Variants in NRXN3 observed in about 807,000 individuals in gnomAD.
NRXN3 encodes the protein neurexin III.
NRXN3 carries 32 observed loss-of-function variants against 137.6 expected under a neutral mutation model. The observed-to-expected ratio is 0.23, with a 90% CI of 0.18 to 0.31. NRXN3 has a LOEUF of 0.31. NRXN3 is among the 10% of genes least tolerant of loss of function. NRXN3 has a pLI of 1.00. For synonymous variants in NRXN3, 798 were observed against 784.5 expected (o/e 1.02, Z -0.29); for missense variants, 1,574 against 2,062.5 (o/e 0.76, Z 4.59).
chr14:79,449,693 A>G (rs1016222789), intron 15 of NRXN3, among the ~76,000 whole-genome samples: 8 of 152,192 alleles, frequency 5.3e-5, no homozygotes, highest in Admixed American at 2.6e-4. Flanking sequence ...GTAACAGAGT[A>G]TAAGATATAG....
intron 17 of NRXN3, among the ~76,000 whole-genome samples, chr14:79,676,086 C>T (rs1455073011): frequency 2.0e-5 from 3 of 151,994 alleles, no homozygotes; most frequent in Admixed American, 1.3e-4. Context: ...TTCATTATCT[C>T]AGCATTGGTT....
chr14:78,662,258 A>G (rs1602065643), intron 6 of NRXN3, among the ~76,000 whole-genome samples: 1 of 152,042 alleles, frequency 6.6e-6, no homozygotes, highest in Admixed American at 6.5e-5. Flanking sequence ...CCAAAAAACT[A>G]AGGCATTCAA....
At chr14:78,573,140 T>G (rs1196188325) in intron 4 of NRXN3, among the ~76,000 whole-genome samples, 1 of 152,164 alleles carries the variant, frequency 6.6e-6, no homozygotes, top group Non-Finnish European at 1.5e-5. Context: ...TCTGCCATGA[T>G]TGTAAGTTTC....
intron 14 of NRXN3, among the ~76,000 whole-genome samples, chr14:78,985,142 G>C (rs1159554095): frequency 6.6e-6 from 1 of 152,170 alleles, no homozygotes; most frequent in Admixed American, 6.5e-5. Flanking sequence ...TGCATACTTT[G>C]CAGAGTGCAG....
chr14:79,111,454 A>G (rs1400208468), intron 15 of NRXN3, among the ~76,000 whole-genome samples: 1 of 152,030 alleles, frequency 6.6e-6, no homozygotes, highest in Non-Finnish European at 1.5e-5. Context: ...GTTTATTAAC[A>G]AGGGCTGGGC....
chr14:79,693,183 G>A (rs2098722625), intron 18 of NRXN3, among the ~76,000 whole-genome samples: 1 of 151,894 alleles, frequency 6.6e-6, no homozygotes. Context: ...CTTTGTTGTT[G>A]TTGTTGTTGA....
At chr14:78,880,899 A>C (rs576788834) in intron 10 of NRXN3, among the ~76,000 whole-genome samples, 4 of 152,268 alleles carry the variant, frequency 2.6e-5, no homozygotes, top group Admixed American at 2.6e-4. Flanking sequence ...CCCCACCCAA[A>C]TCACATCTTG....
chr14:79,148,903 G>A (rs1432553437), intron 15 of NRXN3, among the ~76,000 whole-genome samples: 5 of 149,402 alleles, frequency 3.3e-5, no homozygotes, highest in African/African-American at 1.3e-4. Flanking sequence ...GCCCAAATTA[G>A]TTTGTTTATT....
intron 16 of NRXN3, among the ~76,000 whole-genome samples, chr14:79,542,754 A>C (rs1317509355): frequency 6.6e-6 from 1 of 152,200 alleles, no homozygotes; most frequent in Non-Finnish European, 1.5e-5. Flanking sequence ...TCTTTTGGCA[A>C]AGATCCCTTC....
At chr14:78,189,735 G>A (rs550456753) in intron 1 of NRXN3, among the ~76,000 whole-genome samples, 8 of 152,208 alleles carry the variant, frequency 5.3e-5, no homozygotes, top group South Asian at 2.1e-4. Context: ...ACAGGCATGC[G>A]CCACCACACC....
At chr14:79,021,615 G>C (rs1272974330) in intron 15 of NRXN3, among the ~76,000 whole-genome samples, 1 of 152,012 alleles carries the variant, frequency 6.6e-6, no homozygotes. Context: ...GGATGGGAGT[G>C]TGCAATTTGC....
chr14:78,648,947 G>A (rs1028886710), intron 5 of NRXN3, among the ~76,000 whole-genome samples: 4 of 152,242 alleles, frequency 2.6e-5, no homozygotes, highest in Middle Eastern at 6.8e-3. Context: ...TAATTCTAAC[G>A]GGTGAGGTGT....
intron 15 of NRXN3, among the ~76,000 whole-genome samples, chr14:79,368,451 G>T (rs1357900536): frequency 6.6e-6 from 1 of 152,120 alleles, no homozygotes; most frequent in Non-Finnish European, 1.5e-5. Flanking sequence ...AAGAAAACTT[G>T]TCTTCCTAAT....
chr14:79,323,429 C>T (rs2090365793), intron 15 of NRXN3, among the ~76,000 whole-genome samples: 1 of 152,124 alleles, frequency 6.6e-6, no homozygotes, highest in African/African-American at 2.4e-5. Context: ...CCAAAAGGCC[C>T]ATTATTATTC....
chr14:78,821,355 G>A (rs2098950251), intron 10 of NRXN3, among the ~76,000 whole-genome samples: 1 of 152,104 alleles, frequency 6.6e-6, no homozygotes, highest in Non-Finnish European at 1.5e-5. Context: ...AAAAGCGAGA[G>A]AGAGGAAGAC....
rs560721447 is a variant in NRXN3, at chr14:79,116,315, T to C, written c.3262+128174T>C. Among the ~76,000 whole-genome samples, 6 of 152,324 alleles carry C rather than the reference T, an allele frequency of 3.9e-5. No individual in the cohort carries two copies. The East Asian group carries it at 1.2e-3, about 29-fold the overall frequency. On this transcript the variant is annotated intron_variant, in intron 15 of 20. Coordinates refer to ENST00000335750, the MANE Select transcript of NRXN3 (RefSeq NM_001330195.2). ...GGAGACACAGGGGAGAGATTTTCTTTGTGGGAGTTCATTACAGAGGCATCT... is the reference window on the plus strand; with the variant it reads ...GGAGACACAGGGGAGAGATTTTCTTCGTGGGAGTTCATTACAGAGGCATCT...
At chr14:78,798,867 C>G (rs2098830416) in intron 8 of NRXN3, among the ~76,000 whole-genome samples, 1 of 152,202 alleles carries the variant, frequency 6.6e-6, no homozygotes, top group Admixed American at 6.5e-5. Flanking sequence ...TACCTTGGCC[C>G]CTTTTAGCCA....
At chr14:78,807,044 G>A (rs535129593) in intron 9 of NRXN3, among the ~76,000 whole-genome samples, 2 of 152,322 alleles carry the variant, frequency 1.3e-5, no homozygotes, top group South Asian at 2.1e-4. Context: ...ATCAGCCTGC[G>A]TTATTTGTTT....
At position 79,330,187 on chromosome 14, in the gene NRXN3, G is replaced by T. The variant is rs147832312; in HGVS notation, c.3263-137034G>T. On this transcript the variant is annotated intron_variant, in intron 15 of 20. Coordinates refer to ENST00000335750, the MANE Select transcript of NRXN3 (RefSeq NM_001330195.2). ...AAGTGTCCTATCACAGAGATAGGAA[G>T]GGGTGGATCTGTTAATAGACAGATG... 4.9e-3 allele frequency among the ~76,000 whole-genome samples: 743 copies of T among 152,192 alleles called. 7 individuals carry two copies. Among genetic ancestry groups the T allele is most frequent in the Non-Finnish European group, 4.7e-3 (321 of 68,004 alleles).
Sources: allele counts gnomAD v4.1 joint callset (sites outside exome capture counted in the v4.1 genomes callset), GRCh38; gene constraint gnomAD v4.1.1; transcripts MANE v1.5; gene names NCBI Gene and HGNC (gene_info 2026-07-23, HGNC 2026-07-21).